The following MMP21 variants were observed in gnomAD, a reference collection of about 807,000 sequenced individuals.
MMP21 encodes matrix metalloproteinase-21.
In MMP21, 40 loss-of-function variants were observed where a neutral mutation model predicts 47.8. The ratio of observed to expected loss-of-function variants is 0.84; its 90% CI spans 0.65 to 1.09. MMP21 has a LOEUF of 1.09. MMP21 is among the 50% of genes least tolerant of loss of function. MMP21 has a pLI of 0.00. For missense variants in MMP21, 747 were observed against 775.3 expected, an observed-to-expected ratio of 0.96 and a Z score of 0.43; for synonymous variants, 341 against 318.0, an observed-to-expected ratio of 1.07 and a Z score of -0.77.
chr10:125,771,836 T>C (rs1033169091), intron 4 of MMP21, among the ~76,000 whole-genome samples: 2 of 152,052 alleles, frequency 1.3e-5, no homozygotes, highest in Non-Finnish European at 2.9e-5. Context: ...AGATTGGAGC[T>C]TATCCTGGCC....
chr10:125,770,266 C>T, intron 5 of MMP21, 68 bp downstream of exon 5: 1 of 1,522,148 alleles, frequency 6.6e-7, no homozygotes, highest in Non-Finnish European at 9.0e-7. Flanking sequence ...TTGGTAGGGG[C>T]TCAAGACATT....
At position 125,772,138 on chromosome 10, in the gene MMP21, G is replaced by A. The variant is rs1470975164; in HGVS notation, c.979+80C>T. On this transcript the variant is annotated intron_variant, in intron 4 of 6. Transcript: ENST00000368808. This position sits in a 1 kb window ranked among gnomAD's most constrained non-coding sequence, Gnocchi z 5.6. ...GCGCTCTTAGGCCCAGTTTCCCAGT[G>A]AGGAGTGAGCGGGGTCCTACAGTGC... 3.3e-6 allele frequency: 5 copies of A among 1,535,422 alleles called. No individual in the cohort carries two copies. The highest frequency in any genetic ancestry group is 3.6e-6 in the Non-Finnish European group (4 of 1,120,734).
chr10:125,770,239 G>A (rs1035231163), intron 5 of MMP21, 95 bp downstream of exon 5: 1 of 1,262,906 alleles, frequency 7.9e-7, no homozygotes, highest in African/African-American at 1.5e-5. Flanking sequence ...AATGACAAGA[G>A]CATTACAACA....
At position 125,773,871 on chromosome 10, in the gene MMP21, G is replaced by T; in HGVS notation, c.657C>A (p.Ala219=). The change falls in exon 2 of 7, where the codon GCC becomes GCA. Residue 219 remains alanine, a synonymous_variant. Coordinates refer to ENST00000368808, the MANE Select transcript of MMP21 (RefSeq NM_147191.1). The surrounding 1 kb of genome is among the most constrained non-coding windows in gnomAD (Gnocchi z 4.8). ...GCTTGATGTCGACCGCGGCCCCGGGGGCGGCCAGGTCCTCGCGGAAGTCCA... is the reference window on the plus strand; with the variant it reads ...GCTTGATGTCGACCGCGGCCCCGGGTGCGGCCAGGTCCTCGCGGAAGTCCA... ...TPLDFREDLA[A]PGAAVDIKLG... 6.4e-7 allele frequency: 1 copy of T among 1,571,828 alleles called. No homozygotes were observed. The highest frequency in any genetic ancestry group is 1.4e-5 in the African/African-American group (1 of 72,166).
In MMP21 at chr10:125,769,982, T is replaced by TA. The variant is rs879582367; in HGVS notation, c.1237+351dup. Among the ~76,000 whole-genome samples, 532 of 146,246 alleles carry TA rather than the reference T, an allele frequency of 3.6e-3. 5 individuals carry two copies. The highest frequency in any genetic ancestry group is 0.01 in the South Asian group (48 of 4,628). On this transcript the variant is annotated intron_variant, in intron 5 of 6. Transcript: ENST00000368808. ...GGGCAACATAGTGAGACCCCATCTC[T>TA]AAAAAAAAAAAATTGTTTTAATTAA...
rs762677592 is a variant in MMP21 at position 125,773,667 on chromosome 10, AGAC to A, written c.697+161_697+163del. ...CTGCAGGGTGACCATGATTCCGACA[AGAC>A]GACGCTGACCGGTGGCTTCTGCCTG... On this transcript the variant is annotated intron_variant, in intron 2 of 6. Transcript: ENST00000368808. This position sits in a 1 kb window ranked among gnomAD's most constrained non-coding sequence, Gnocchi z 4.8. Among the ~76,000 whole-genome samples, 2 of 152,056 alleles carry A rather than the reference AGAC, an allele frequency of 1.3e-5. No individual in the cohort carries two copies. The highest frequency in any genetic ancestry group is 2.4e-5 in the African/African-American group (1 of 41,422).
chr10:125,770,642 C>G lies in MMP21; in HGVS notation c.980-51G>C, dbSNP rs17153531. 6,224 of 1,590,454 alleles carry G rather than the reference C, an allele frequency of 3.9e-3. 25 individuals are homozygous for G. The highest frequency in any genetic ancestry group is 4.7e-3 in the Non-Finnish European group (5,437 of 1,168,222). On this transcript the variant is annotated intron_variant, in intron 4 of 6. Coordinates refer to ENST00000368808, the MANE Select transcript of MMP21 (RefSeq NM_147191.1). ...CACTTGTCACATACATGGTGCAAAA[C>G]TTATATTTTCATATGTGACTTGAAT...
rs1166369084 is a variant in MMP21 at position 125,770,339 on chromosome 10, A to G, written c.1232T>C (p.Phe411Ser). Residue 411 changes from phenylalanine (F) to serine (S), a missense_variant, in exon 5 of 7, where the codon TTT (phenylalanine) becomes TCT (serine). Transcript: ENST00000368808. ...WTWKRDERYF[F>S]QGNQYWRYDS... ...CATCCATGAAGAATCTGTACCTTGA[A>G]AAAAATAACGTTCATCTCTTTTCCA... The G allele has an allele frequency of 6.2e-7, 1 of 1,614,156 alleles. No homozygotes were observed.
intron 1 of MMP21, among the ~76,000 whole-genome samples, chr10:125,774,929 G>C (rs1219614170): frequency 3.3e-5 from 5 of 152,180 alleles, no homozygotes; most frequent in Admixed American, 1.3e-4. Context: ...GACCTGGGGG[G>C]CTTCCTCATG....
Position 125,772,538 on chromosome 10 carries a change from G to A in MMP21, c.837+73C>T, listed in dbSNP as rs944493518. ...AGGTTGCGGACACTACATGAGAAAA[G>A]CTTGGACTTTTTGGACGTCAGCCCA... is the stretch of plus-strand genomic sequence containing the variant. On this transcript the variant is annotated intron_variant, in intron 3 of 6. Transcript: ENST00000368808. This position sits in a 1 kb window ranked among gnomAD's most constrained non-coding sequence, Gnocchi z 5.6. 1.2e-6 allele frequency: 2 copies of A among 1,605,506 alleles called. No homozygotes were observed. The highest frequency in any genetic ancestry group is 2.2e-5 in the East Asian group (1 of 44,700).
Position 125,772,191 on chromosome 10 carries a change from C to T in MMP21, c.979+27G>A, listed in dbSNP as rs746292102. Reference sequence around the variant, plus strand: ...TGGAATACAGTGTCCTCCGCTAGCTCAGGGATGCCCTCCGCAGCAGTCTTA... The same window carrying T: ...TGGAATACAGTGTCCTCCGCTAGCTTAGGGATGCCCTCCGCAGCAGTCTTA... On this transcript the variant is annotated intron_variant, in intron 4 of 6. Transcript: ENST00000368808. This position sits in a 1 kb window ranked among gnomAD's most constrained non-coding sequence, Gnocchi z 5.6. 1.9e-5 allele frequency: 31 copies of T among 1,613,454 alleles called. No individual in the cohort carries two copies. In the Admixed American group the frequency reaches 2.7e-4, roughly 14 times the overall value.
chr10:125,766,980 A>T lies in MMP21; in HGVS notation c.1411-19T>A. ...CAAATACCTGCAAAGCAAATAAGAT[A>T]GACTGGCTCTTCTGAAAATTATTAA... On this transcript the variant is annotated intron_variant, in intron 6 of 6. Transcript: ENST00000368808. The T allele has an allele frequency of 6.5e-7, 1 of 1,535,176 alleles. No homozygotes were observed. Among genetic ancestry groups the T allele is most frequent in the Non-Finnish European group, 8.7e-7 (1 of 1,146,504 alleles).
chr10:125,774,431 C>T, intron 1 of MMP21, 66 bp from the exon 2 acceptor site: 1 of 1,182,434 alleles, frequency 8.5e-7, no homozygotes, highest in Non-Finnish European at 1.1e-6. Context: ...CTGCCCTGCC[C>T]CAAAGTCTAG....
At chr10:125,770,685 T>C (rs991879382) in intron 4 of MMP21, 94 bp from the exon 5 acceptor site, 48 of 1,405,320 alleles carry the variant, frequency 3.4e-5, no homozygotes, top group Middle Eastern at 2.0e-4. Context: ...GTTGCAAAGC[T>C]GGGGCTTTCT....
Position 125,767,749 on chromosome 10 carries a change from A to G in MMP21, c.1238-45T>C, listed in dbSNP as rs562848649. 367 of 1,591,892 alleles carry G rather than the reference A, an allele frequency of 2.3e-4. 4 individuals are homozygous for G. In the South Asian group the frequency reaches 3.7e-3, roughly 16 times the overall value. Reference sequence around the variant, plus strand: ...CGTTCATGTGGTTTATTACTATTAAATCACGTGACAAAAAGGACAGTTTTC... The same window carrying G: ...CGTTCATGTGGTTTATTACTATTAAGTCACGTGACAAAAAGGACAGTTTTC... On this transcript the variant is annotated intron_variant, in intron 5 of 6. Transcript: ENST00000368808.
intron 6 of MMP21, among the ~76,000 whole-genome samples, 169 bp from the exon 7 acceptor site, chr10:125,767,130 A>G (rs1850395591): frequency 6.6e-6 from 1 of 151,010 alleles, no homozygotes; most frequent in Admixed American, 6.6e-5. Context: ...AAGTGAGTAC[A>G]CGTTTTTTGT....
chr10:125,767,778 C>G, intron 5 of MMP21, 74 bp from the exon 6 acceptor site: 2 of 1,501,048 alleles, frequency 1.3e-6, no homozygotes, highest in Non-Finnish European at 9.2e-7. Context: ...AGTTTTCAAT[C>G]TAGGTCTCAG....
intron 1 of MMP21, among the ~76,000 whole-genome samples, chr10:125,774,844 C>T (rs1589895053): frequency 1.3e-5 from 2 of 152,146 alleles, no homozygotes; most frequent in Admixed American, 1.3e-4. Flanking sequence ...GGCCACACCG[C>T]AGAGAAAGCC....
At position 125,772,215 on chromosome 10, in the gene MMP21, T is replaced by C; in HGVS notation, c.979+3A>G. On this transcript the variant is annotated splice_donor_region_variant and intron_variant, in intron 4 of 6. Coordinates refer to ENST00000368808, the MANE Select transcript of MMP21 (RefSeq NM_147191.1). The surrounding 1 kb of genome is among the most constrained non-coding windows in gnomAD (Gnocchi z 5.6). ...TCAGGGATGCCCTCCGCAGCAGTCT[T>C]ACCATACAGCTTTTGAATTGCTTTC... 1 of 1,614,130 alleles carries C rather than the reference T, an allele frequency of 6.2e-7. No individual in the cohort carries two copies. Among genetic ancestry groups the C allele is most frequent in the Non-Finnish European group, 8.5e-7 (1 of 1,179,996 alleles).
Sources: gnomAD v4.1 joint callset for allele counts (sites outside exome capture counted in the v4.1 genomes callset) on GRCh38, gnomAD v4.1.1 for gene constraint, Gnocchi (gnomAD v3.1) non-coding constraint, MANE v1.5 for transcripts, NCBI Gene and HGNC (gene_info 2026-07-23, HGNC 2026-07-21) for gene names.